Variants in HCFC2 observed in about 807,000 individuals in gnomAD.
HCFC2 encodes host cell factor C2, also known as host cell factor 2.
A neutral mutation model predicts 89.2 loss-of-function variants in HCFC2; 18 were observed. The observed-to-expected ratio is 0.20, with a 90% CI of 0.14 to 0.30. HCFC2 has a LOEUF of 0.30. HCFC2 is among the 10% of genes least tolerant of loss of function. The probability of loss-of-function intolerance (pLI) is 1.00; values close to 1 mark genes in which losing one functional copy is unlikely to be tolerated. For synonymous variants in HCFC2, 308 were observed against 335.7 expected, an observed-to-expected ratio of 0.92 and a Z score of 0.90; for missense variants, 578 against 956.1, an observed-to-expected ratio of 0.60 and a Z score of 5.21.
Position 104,095,888 on chromosome 12 carries a change from A to G in HCFC2, c.1666+325A>G, listed in dbSNP as rs930930450. ...AATTATTTTATAAAATATTCTCTGC[A>G]TAAAATATTTAGATTAGCACACACT... On this transcript the variant is annotated intron_variant, in intron 11 of 14. Coordinates refer to ENST00000229330, the MANE Select transcript of HCFC2 (RefSeq NM_013320.3). The surrounding 1 kb of genome is among the most constrained non-coding windows in gnomAD (Gnocchi z 4.2). Among the ~76,000 whole-genome samples, 1 of 152,198 alleles carries G rather than the reference A, an allele frequency of 6.6e-6. No individual in the cohort carries two copies. The highest frequency in any genetic ancestry group is 2.4e-5 in the African/African-American group (1 of 41,478).
chr12:104,080,648 A>G (rs1883657057), intron 4 of HCFC2, 98 bp from the exon 5 acceptor site: 1 of 668,264 alleles, frequency 1.5e-6, no homozygotes, highest in African/African-American at 1.9e-5. Context: ...ACTTTGTTTC[A>G]TTTTGGTAAG....
At chr12:104,100,001 CA>C (rs1156712252) in intron 13 of HCFC2, among the ~76,000 whole-genome samples, 1 of 152,114 alleles carries the variant, frequency 6.6e-6, no homozygotes, top group Non-Finnish European at 1.5e-5. Flanking sequence ...CTGACTAGCA[CA>C]AATAAGAGTT....
At chr12:104,088,803 A>G (rs1483217969) in intron 9 of HCFC2, among the ~76,000 whole-genome samples, 1 of 152,164 alleles carries the variant, frequency 6.6e-6, no homozygotes, top group East Asian at 1.9e-4. Flanking sequence ...TAATATTTCT[A>G]TTATATATAT....
chr12:104,098,860 C>T (rs117536600), intron 13 of HCFC2, among the ~76,000 whole-genome samples: 3,501 of 152,192 alleles, frequency 0.023, 62 homozygotes, highest in South Asian at 0.065. Context: ...CTTAGCCAGG[C>T]GTGGTGACGA....
rs2030060288 is a variant in HCFC2 at position 104,105,460 on chromosome 12, A to G, written c.*2187A>G. On this transcript the variant is annotated 3_prime_UTR_variant, in exon 15 of 15. Coordinates refer to ENST00000229330, the MANE Select transcript of HCFC2 (RefSeq NM_013320.3). ...CTCCACTCTTCTGGATCAGGAGGTG[A>G]TTCTGAACCTGTGGTTCTAACATAT... 1 of 152,036 alleles carries G rather than the reference A, an allele frequency of 6.6e-6. No homozygotes were observed. The allele number at this position is 152,036 out of a possible 1,614,324, so 9.4% of individuals were successfully genotyped here.
At chr12:104,085,538 G>A (rs1883809449) in intron 7 of HCFC2, among the ~76,000 whole-genome samples, 3 of 152,058 alleles carry the variant, frequency 2.0e-5, no homozygotes, top group Admixed American at 2.0e-4. Context: ...TTAAAAATTG[G>A]ATTTGAATGG....
intron 7 of HCFC2, among the ~76,000 whole-genome samples, chr12:104,083,616 T>C (rs1240155832): frequency 1.3e-5 from 2 of 152,076 alleles, no homozygotes; most frequent in African/African-American, 4.8e-5. Context: ...AATGTGGTAA[T>C]ATTAGGGGAA....
In HCFC2 at chr12:104,068,238, TG is replaced by T. The variant is rs762043610; in HGVS notation, c.473+132del. 30 of 658,920 alleles carry T rather than the reference TG, an allele frequency of 4.6e-5. 1 individual carries two copies. The East Asian group carries it at 7.6e-4, about 17-fold the overall frequency. The allele number at this position is 658,920 out of a possible 1,614,324, so 40.8% of individuals were successfully genotyped here. On this transcript the variant is annotated intron_variant, in intron 3 of 14. Coordinates refer to ENST00000229330, the MANE Select transcript of HCFC2 (RefSeq NM_013320.3). The surrounding 1 kb of genome is among the most constrained non-coding windows in gnomAD (Gnocchi z 4.1). ...ATTTCAACCTAACAGTGGACAGATTTGTGTGTGTTTGTGTTTTCCTTAGTAC... is the reference window on the plus strand; with the variant it reads ...ATTTCAACCTAACAGTGGACAGATTTTGTGTGTTTGTGTTTTCCTTAGTAC...
chr12:104,066,300 G>C lies in HCFC2; in HGVS notation c.297G>C (p.Glu99Asp), dbSNP rs774444513. 6.3e-7 allele frequency: 1 copy of C among 1,595,996 alleles called. No homozygotes were observed. Among genetic ancestry groups the C allele is most frequent in the African/African-American group, 1.3e-5 (1 of 74,100 alleles). ...GMVEYGRYSNELYELQASRWL... is the reference protein window; with the variant it reads ...GMVEYGRYSNDLYELQASRWL... ...TTGAATATGGAAGATACAGCAATGA[G>C]TTATATGAGTTACAAGTAAGTGTAT... Residue 99 changes from glutamate (E) to aspartate (D), a missense_variant, in exon 2 of 15, where the codon GAG (glutamate) becomes GAC (aspartate). Glu to Asp is a conservative substitution (Grantham distance 45). Transcript: ENST00000229330.
Position 104,096,367 on chromosome 12 carries a change from A to G in HCFC2, c.1674A>G (p.Glu558=), listed in dbSNP as rs74518679. 3.1e-6 allele frequency: 5 copies of G among 1,591,132 alleles called. No homozygotes were observed. In the South Asian group the frequency reaches 5.8e-5, roughly 18 times the overall value. Residue 558 remains glutamate, a synonymous_variant, in exon 12 of 15, where the codon GAA becomes GAG. Transcript: ENST00000229330. ...AAATTGTTTAATTTTTAGTTGATGA[A>G]ACATATGCACTGCCTGCAACGAAGA... ...TTFSTKSEVD[E]TYALPATKIS... is the part of the protein sequence containing the mutation.
intron 10 of HCFC2, among the ~76,000 whole-genome samples, chr12:104,094,903 A>C (rs1884130470): frequency 1.3e-5 from 2 of 152,208 alleles, no homozygotes; most frequent in Non-Finnish European, 2.9e-5. Flanking sequence ...AATGGGACCA[A>C]GAGTACAGGA....
rs1593615417 is a variant in HCFC2, at chr12:104,103,380, T to C, written c.*107T>C. On this transcript the variant is annotated 3_prime_UTR_variant, in exon 15 of 15. Coordinates refer to ENST00000229330, the MANE Select transcript of HCFC2 (RefSeq NM_013320.3). ...TCTCTGGCTGTATTTCCAGCAGTTA[T>C]GAACTTGAGTTTGTAAATTGTTCTT... The C allele has an allele frequency of 1.1e-5, 10 of 909,874 alleles. No individual in the cohort carries two copies. In the Middle Eastern group the frequency reaches 1.2e-3, roughly 106 times the overall value. 56.4% of individuals were successfully genotyped at this position (909,874 alleles called of 1,614,324 possible).
Position 104,104,312 on chromosome 12 carries a change from A to T in HCFC2, c.*1039A>T, listed in dbSNP as rs945466938. On this transcript the variant is annotated 3_prime_UTR_variant, in exon 15 of 15. Coordinates refer to ENST00000229330, the MANE Select transcript of HCFC2 (RefSeq NM_013320.3). ...TTGAAATTGTATAAACTTTTTTACT[A>T]TGAAAATATAAGCATTAGACAGCTA... 6.6e-5 allele frequency: 10 copies of T among 152,008 alleles called. No individual in the cohort carries two copies. The highest frequency in any genetic ancestry group is 1.2e-4 in the Non-Finnish European group (8 of 67,892). The allele number at this position is 152,008 out of a possible 1,614,324, so 9.4% of individuals were successfully genotyped here.
chr12:104,101,029 C>T (rs1178311480), intron 13 of HCFC2, among the ~76,000 whole-genome samples: 1 of 152,012 alleles, frequency 6.6e-6, no homozygotes, highest in Non-Finnish European at 1.5e-5. Context: ...TGACATGGCT[C>T]CCTTAAAGTA....
chr12:104,068,087 T>G lies in HCFC2; in HGVS notation c.453T>G (p.Asp151Glu), dbSNP rs1322465683. The change falls in exon 3 of 15, where the codon GAT (aspartate) becomes GAG (glutamate). Residue 151 changes from aspartate to glutamate, a missense_variant. Transcript: ENST00000229330. This position sits in a 1 kb window ranked among gnomAD's most constrained non-coding sequence, Gnocchi z 4.1. ...GTGGCCTGGCAAACGAAAGCGAAGA[T>G]TCAAACAATAATGTTCCCAGGTATG... is the stretch of plus-strand genomic sequence containing the variant. The part of the protein sequence containing the change: ...LFGGLANESE[D>E]SNNNVPRYLN... 2 of 1,600,356 alleles carry G rather than the reference T, an allele frequency of 1.2e-6. No individual in the cohort carries two copies. Among genetic ancestry groups the G allele is most frequent in the South Asian group, 2.3e-5 (2 of 87,832 alleles).
chr12:104,099,880 C>G (rs1051157092), intron 13 of HCFC2, among the ~76,000 whole-genome samples: 2 of 152,150 alleles, frequency 1.3e-5, no homozygotes, highest in South Asian at 2.1e-4. Flanking sequence ...TGGTCTCAAA[C>G]TCCTGGGCTC....
At chr12:104,082,010 T>TGA (rs1394210414) in intron 5 of HCFC2, among the ~76,000 whole-genome samples, 3 of 152,116 alleles carry the variant, frequency 2.0e-5, no homozygotes, top group Non-Finnish European at 4.4e-5. Flanking sequence ...GCCTTTCTCT[T>TGA]CCAGCAGCCA....
At chr12:104,100,787 G>A (rs1565816726) in intron 13 of HCFC2, among the ~76,000 whole-genome samples, 4 of 151,964 alleles carry the variant, frequency 2.6e-5, no homozygotes, top group African/African-American at 7.3e-5. Context: ...TTAATAATTA[G>A]TATTATGCCC....
At position 104,066,259 on chromosome 12, in the gene HCFC2, G is replaced by C; in HGVS notation, c.256G>C (p.Val86Leu). ...GFVCDGTRIL[V>L]FGGMVEYGRY... ...TGTCTGTGATGGTACCAGAATATTA[G>C]TATTTGGGGGAATGGTTGAATATGG... The change falls in exon 2 of 15, where the codon GTA (valine) becomes CTA (leucine). Residue 86 changes from valine (V) to leucine (L), a missense_variant. By Grantham distance (32) the Val-to-Leu change is conservative. Transcript: ENST00000229330. 6.2e-7 allele frequency: 1 copy of C among 1,611,552 alleles called. No individual in the cohort carries two copies. The highest frequency in any genetic ancestry group is 1.1e-5 in the South Asian group (1 of 90,616).
Sources: gnomAD v4.1 joint callset for allele counts (sites outside exome capture counted in the v4.1 genomes callset) on GRCh38, gnomAD v4.1.1 for gene constraint, Gnocchi (gnomAD v3.1) non-coding constraint, MANE v1.5 for transcripts, NCBI Gene and HGNC (gene_info 2026-07-23, HGNC 2026-07-21) for gene names.